The following RABGAP1 variants were observed in gnomAD, a reference collection of about 807,000 sequenced individuals.
RABGAP1 encodes RAB GTPase activating protein 1.
A neutral mutation model predicts 137.6 loss-of-function variants in RABGAP1; 23 were observed. The observed-to-expected ratio is 0.17, with a 90% CI of 0.12 to 0.24. The LOEUF is 0.24. RABGAP1 is among the 10% of genes least tolerant of loss of function. The probability of loss-of-function intolerance (pLI) is 1.00; values close to 1 mark genes in which losing one functional copy is unlikely to be tolerated. For missense variants in RABGAP1, 906 were observed against 1,275.8 expected (o/e 0.71, Z 4.42); for synonymous variants, 451 against 450.7 (o/e 1.00, Z -0.01).
chr9:122,936,964 A>G (rs1198718680), upstream of RABGAP1, among the ~76,000 whole-genome samples: 3 of 152,194 alleles, frequency 2.0e-5, no homozygotes, highest in African/African-American at 7.2e-5. Context: ...CCCAGCAAAC[A>G]TGGGGGCAGG....
intron 11 of RABGAP1, among the ~76,000 whole-genome samples, chr9:123,013,858 A>G (rs2031013509): frequency 6.6e-6 from 1 of 152,234 alleles, no homozygotes; most frequent in Admixed American, 6.5e-5. Flanking sequence ...TTAGAGGTGT[A>G]AAGATCCAAA....
In RABGAP1 at chr9:123,090,297, A is replaced by C; in HGVS notation, c.2540A>C (p.Glu847Ala). 2 of 1,612,956 alleles carry C rather than the reference A, an allele frequency of 1.2e-6. No homozygotes were observed. Among genetic ancestry groups the C allele is most frequent in the Non-Finnish European group, 1.7e-6 (2 of 1,179,630 alleles). Residue 847 changes from glutamate (E) to alanine (A), a missense_variant, in exon 21 of 26, where the codon GAA becomes GCA. By Grantham distance (107) the Glu-to-Ala change is moderately radical (BLOSUM62 -1). Coordinates refer to ENST00000373647, the MANE Select transcript of RABGAP1 (RefSeq NM_012197.4). The part of the protein sequence containing the change: ...RFERENRRLQ[E>A]ANMRLEQEND... The stretch of plus-strand genomic sequence containing the variant: ...CAGCGGGAGAATAGGCGTCTACAAG[A>C]AGCTAACATGAGGTTGGAACAGGAA...
At chr9:122,976,412 A>G (rs1054350353) in intron 2 of RABGAP1, among the ~76,000 whole-genome samples, 7 of 152,212 alleles carry the variant, frequency 4.6e-5, no homozygotes, top group Admixed American at 2.0e-4. Context: ...TGTGTTTTGC[A>G]CTGGGCTCTT....
At chr9:123,051,988 G>A (rs888994917) in intron 13 of RABGAP1, among the ~76,000 whole-genome samples, 13 of 137,606 alleles carry the variant, frequency 9.4e-5, no homozygotes, top group Admixed American at 2.3e-4. Context: ...TGTATTATTC[G>A]TAGGGACGGA....
Position 123,103,592 on chromosome 9 carries a change from T to TAC in RABGAP1, c.*380_*381insCA, listed in dbSNP as rs1432973369. 2.7e-3 allele frequency: 21 copies of TAC among 7,692 alleles called. No individual in the cohort carries two copies. The African/African-American group carries it at 0.031, about 11-fold the overall frequency. The allele number at this position is 7,692 out of a possible 1,614,324, so 0.5% of individuals were successfully genotyped here. A position where few individuals can be genotyped will look rare whatever the true frequency, so the allele number is the denominator to read the frequency against. On this transcript the variant is annotated 3_prime_UTR_variant, in exon 26 of 26. Coordinates refer to ENST00000373647, the MANE Select transcript of RABGAP1 (RefSeq NM_012197.4). ...AAACCTTTTTTTTTTAATATACATA[T>TAC]ATATATATATATATATATATATATA...
chr9:123,058,022 C>A (rs1278332673), intron 13 of RABGAP1, among the ~76,000 whole-genome samples: 2 of 123,572 alleles, frequency 1.6e-5, no homozygotes, highest in African/African-American at 6.0e-5. Context: ...AGCCTCGGCT[C>A]GGCATCAGAG....
intron 8 of RABGAP1, chr9:122,997,026 G>A (rs1837056122): frequency 1.7e-6 from 1 of 591,988 alleles, no homozygotes; most frequent in African/African-American, 1.9e-5. Context: ...TTAGGTTGTG[G>A]ATTTTCTTAA....
intron 10 of RABGAP1, among the ~76,000 whole-genome samples, chr9:123,002,215 T>C (rs1264163317): frequency 2.6e-5 from 4 of 151,798 alleles, no homozygotes; most frequent in African/African-American, 9.7e-5. Flanking sequence ...ACAGGAGAAT[T>C]GCTTGAACCC....
Position 123,101,748 on chromosome 9 carries a change from C to T in RABGAP1, c.3072C>T (p.Ala1024=), listed in dbSNP as rs375616318. 14 of 1,608,554 alleles carry T rather than the reference C, an allele frequency of 8.7e-6. No individual in the cohort carries two copies. Among genetic ancestry groups the T allele is most frequent in the South Asian group, 2.2e-5 (2 of 89,946 alleles). ...AGACCAAACTCCAGCTGGTGGAGGC[C>T]GAGTGTAAGATACAGGTAACAGCAG... The part of the protein sequence containing the change: ...LAQTKLQLVE[A]ECKIQDLEHH... The change falls in exon 25 of 26, where the codon GCC becomes GCT. Residue 1024 remains alanine (A), a synonymous_variant. Transcript: ENST00000373647.
intron 2 of RABGAP1, among the ~76,000 whole-genome samples, chr9:122,958,155 A>G (rs559301580): frequency 1.3e-5 from 2 of 152,274 alleles, no homozygotes; most frequent in Admixed American, 1.3e-4. Context: ...AGAGCCGGGC[A>G]GGGGTGAGGG....
chr9:122,970,614 C>T (rs1835419497), intron 2 of RABGAP1, among the ~76,000 whole-genome samples: 1 of 152,150 alleles, frequency 6.6e-6, no homozygotes, highest in African/African-American at 2.4e-5. Context: ...TGTCTCCTTC[C>T]CTTCCTACCC....
At chr9:122,937,003 A>ATT (rs764952666), upstream of RABGAP1, among the ~76,000 whole-genome samples, 1 of 152,230 alleles carries the variant, frequency 6.6e-6, no homozygotes, top group Non-Finnish European at 1.5e-5. Flanking sequence ...TCACCACATT[A>ATT]TGAGATTCAA....
intron 1 of RABGAP1, among the ~76,000 whole-genome samples, chr9:122,941,584 A>G (rs1464815741): frequency 6.6e-6 from 1 of 152,094 alleles, no homozygotes; most frequent in Non-Finnish European, 1.5e-5. Context: ...AAGACTTGCT[A>G]GTTTTCACTG....
chr9:122,998,342 C>A (rs908272812), intron 9 of RABGAP1, among the ~76,000 whole-genome samples: 5 of 152,042 alleles, frequency 3.3e-5, no homozygotes, highest in African/African-American at 1.2e-4. Flanking sequence ...GATCTGCCTG[C>A]CTTGGTCTCC....
At position 122,968,378 on chromosome 9, in the gene RABGAP1, A is replaced by G. The variant is rs191726967; in HGVS notation, c.150+11169A>G. Among the ~76,000 whole-genome samples, 838 of 151,732 alleles carry G rather than the reference A, an allele frequency of 5.5e-3. 10 individuals are homozygous for G. The highest frequency in any genetic ancestry group is 0.021 in the Middle Eastern group (6 of 292). ...GTTGGGACAGTAGGCGTGCACCACT[A>G]TGCCCGGCTAATTTTCATATTTTTA... On this transcript the variant is annotated intron_variant, in intron 2 of 25. Transcript: ENST00000373647.
intron 2 of RABGAP1, among the ~76,000 whole-genome samples, chr9:122,983,593 G>A (rs903206772): frequency 3.3e-5 from 5 of 152,160 alleles, no homozygotes; most frequent in African/African-American, 1.2e-4. Flanking sequence ...AATTTTGCTA[G>A]GGTAGGCCTC....
At position 122,984,581 on chromosome 9, in the gene RABGAP1, G is replaced by GT; in HGVS notation, c.248dup (p.Lys84GlufsTer8). The GT allele has an allele frequency of 6.2e-7, 1 of 1,614,200 alleles. No homozygotes were observed. The highest frequency in any genetic ancestry group is 8.5e-7 in the Non-Finnish European group (1 of 1,180,026). ...CGACCAGCCAGGGGAAAAGGAGCTT[G>GT]TGAAAAGGTCACAACTGGATGGTGA... On this transcript the variant is annotated frameshift_variant, in exon 3 of 26. Transcript: ENST00000373647. LOFTEE classifies it high-confidence loss of function.
chr9:123,087,152 A>T (rs1185136475), intron 19 of RABGAP1, among the ~76,000 whole-genome samples: 1 of 152,206 alleles, frequency 6.6e-6, no homozygotes, highest in East Asian at 1.9e-4. Context: ...GGGAGAATCA[A>T]CCCTATTACT....
intron 1 of RABGAP1, among the ~76,000 whole-genome samples, chr9:122,942,462 G>T (rs1833637683): frequency 6.6e-6 from 1 of 152,102 alleles, no homozygotes; most frequent in Non-Finnish European, 1.5e-5. Flanking sequence ...ACAAGGTCAG[G>T]AGTTCGAGAC....
Sources: gnomAD v4.1 joint callset for allele counts (sites outside exome capture counted in the v4.1 genomes callset) on GRCh38, gnomAD v4.1.1 for gene constraint, MANE v1.5 for transcripts, NCBI Gene and HGNC (gene_info 2026-07-23, HGNC 2026-07-21) for gene names.